Variants in LRIG2 observed in about 807,000 individuals in gnomAD.
The protein encoded by LRIG2 is leucine rich repeats and immunoglobulin like domains 2, also known as leucine-rich repeats and immunoglobulin-like domains protein 2.
Under a neutral mutation model 107.8 loss-of-function variants are expected in LRIG2, and 93 were observed. The ratio of observed to expected loss-of-function variants is 0.86; its 90% CI spans 0.73 to 1.03. The LOEUF (loss-of-function observed/expected upper bound fraction) is 1.03. Among genes scored for constraint, LRIG2 ranks in the 50% least tolerant of loss-of-function variants. The pLI, the probability that LRIG2 is intolerant of heterozygous loss-of-function variation, is 0.00. For missense variants in LRIG2, 1,226 were observed against 1,296.0 expected, an observed-to-expected ratio of 0.95 and a Z score of 0.83; for synonymous variants, 471 against 470.6, an observed-to-expected ratio of 1.00 and a Z score of -0.01.
chr1:113,119,133 C>T, intron 16 of LRIG2, 100 bp from the exon 17 acceptor site: 1 of 1,093,428 alleles, frequency 9.1e-7, no homozygotes, highest in South Asian at 1.5e-5. Context: ...GTGCTCAATA[C>T]ATGCTAGCAA....
intron 1 of LRIG2, among the ~76,000 whole-genome samples, chr1:113,075,425 G>C (rs1652931337): frequency 1.3e-5 from 2 of 152,172 alleles, no homozygotes; most frequent in South Asian, 4.1e-4. Context: ...AAATCTTTTA[G>C]TAAACATAGA....
intron 11 of LRIG2, among the ~76,000 whole-genome samples, chr1:113,105,404 A>T (rs1251863281): frequency 6.6e-6 from 1 of 152,176 alleles, no homozygotes; most frequent in Admixed American, 6.5e-5. Flanking sequence ...CTCTTGGTTT[A>T]GTGGTACTTT....
At chr1:113,116,551 A>G in intron 16 of LRIG2, 115 bp downstream of exon 16, 1 of 990,310 alleles carries the variant, frequency 1.0e-6, no homozygotes, top group Non-Finnish European at 1.5e-6. Flanking sequence ...TACCTAATGA[A>G]AGCATTTAGC....
chr1:113,130,044 C>G lies in LRIG2; in HGVS notation c.*5943C>G, dbSNP rs952453494. 2 of 152,122 alleles carry G rather than the reference C, an allele frequency of 1.3e-5. No homozygotes were observed. Among genetic ancestry groups the G allele is most frequent in the Non-Finnish European group, 2.9e-5 (2 of 68,054 alleles). 9.4% of individuals were successfully genotyped at this position (152,122 alleles called of 1,614,324 possible). A position where few individuals can be genotyped will look rare whatever the true frequency, so the allele number is the denominator to read the frequency against. The stretch of plus-strand genomic sequence containing the variant: ...CCACCTGAGTAGCTGTGCCACCACA[C>G]CCGGCTAATTTTTGTATTTTTTGTA... On this transcript the variant is annotated 3_prime_UTR_variant, in exon 18 of 18. Transcript: ENST00000361127.
Position 113,110,556 on chromosome 1 carries a change from G to T in LRIG2, c.1792G>T (p.Val598Leu), listed in dbSNP as rs61752502. 5.4e-4 allele frequency: 859 copies of T among 1,598,768 alleles called. 6 individuals carry two copies. In the African/African-American group the frequency reaches 8.4e-3, roughly 16 times the overall value. ...SNYSQKAKLTVNEMPSFLKTP... is the reference protein window; with the variant it reads ...SNYSQKAKLTLNEMPSFLKTP... ...TTATTCTCAGAAAGCCAAACTGACT[G>T]TAAATGGTAAGGAATTATGCTCCTT... Residue 598 changes from valine to leucine, a missense_variant, in exon 13 of 18, where the codon GTA becomes TTA. Around this residue, in one of 3 missense-constraint regions of LRIG2, gnomAD observed 642 missense variants for 712.2 expected, o/e 0.90. Coordinates refer to ENST00000361127, the MANE Select transcript of LRIG2 (RefSeq NM_014813.3).
chr1:113,094,287 G>C, intron 4 of LRIG2, 52 bp from the exon 5 acceptor site: 1 of 1,430,578 alleles, frequency 7.0e-7, no homozygotes, highest in Non-Finnish European at 9.5e-7. Flanking sequence ...TCTAGTGGTA[G>C]AATTTTTATT....
In LRIG2 at chr1:113,112,319, T is replaced by G. The variant is rs549094012; in HGVS notation, c.1799-160T>G. On this transcript the variant is annotated intron_variant, in intron 13 of 17. Transcript: ENST00000361127. ...AAAGTTTGTTTTTGTTTTTTTAAATTTATAAAACTATATTCACTCTCAATC... is the reference window on the plus strand; with the variant it reads ...AAAGTTTGTTTTTGTTTTTTTAAATGTATAAAACTATATTCACTCTCAATC... 2.6e-5 allele frequency among the ~76,000 whole-genome samples: 4 copies of G among 152,210 alleles called. No homozygotes were observed. The South Asian group carries it at 8.3e-4, about 32-fold the overall frequency.
At chr1:113,083,448 C>T (rs149913611) in intron 1 of LRIG2, among the ~76,000 whole-genome samples, 2,051 of 147,406 alleles carry the variant, frequency 0.014, 15 homozygotes, top group Non-Finnish European at 0.019. Flanking sequence ...TGGGTTTAAG[C>T]GATTCTCCTG....
At chr1:113,074,098 A>G (rs1323840648) in intron 1 of LRIG2, among the ~76,000 whole-genome samples, 3 of 152,156 alleles carry the variant, frequency 2.0e-5, no homozygotes, top group Non-Finnish European at 4.4e-5. Context: ...CACAATCGCC[A>G]AAGACCTATG....
intron 1 of LRIG2, among the ~76,000 whole-genome samples, chr1:113,086,000 GTTTTTTTT>G (rs34131524): frequency 3.1e-5 from 2 of 65,002 alleles, no homozygotes; most frequent in Admixed American, 2.1e-4. Context: ...TAACCCTGAG[GTTTTTTTT>G]TTTTTTTTTT....
At chr1:113,108,346 C>T (rs1229468995) in intron 12 of LRIG2, among the ~76,000 whole-genome samples, 5 of 151,112 alleles carry the variant, frequency 3.3e-5, no homozygotes, top group African/African-American at 1.2e-4. Context: ...GTCTCAGCCT[C>T]CTGAGTAGCT....
intron 1 of LRIG2, among the ~76,000 whole-genome samples, chr1:113,079,499 A>G (rs889790103): frequency 2.6e-5 from 4 of 151,066 alleles, no homozygotes; most frequent in African/African-American, 7.3e-5. Flanking sequence ...CCTGGCTAAG[A>G]TGGTGAAACC....
chr1:113,078,745 C>T (rs771706561), intron 1 of LRIG2, among the ~76,000 whole-genome samples: 21 of 151,042 alleles, frequency 1.4e-4, no homozygotes, highest in South Asian at 6.3e-4. Flanking sequence ...GGTTCAAACG[C>T]TTCTCCTGCC....
rs770576370 is a variant in LRIG2 at position 113,091,384 on chromosome 1, G to T, written c.305+1G>T. The T allele has an allele frequency of 6.4e-7, 1 of 1,570,004 alleles. No homozygotes were observed. Among genetic ancestry groups the T allele is most frequent in the Non-Finnish European group, 8.7e-7 (1 of 1,150,772 alleles). On this transcript the variant is annotated splice_donor_variant, in intron 2 of 17. Coordinates refer to ENST00000361127, the MANE Select transcript of LRIG2 (RefSeq NM_014813.3). LOFTEE classifies it high-confidence loss of function. ...TGGAATCACAAACATTACAGGAAGT[G>T]TAAGTTATTTTTATTTATTTAAAGT...
At position 113,094,754 on chromosome 1, in the gene LRIG2, CTG is replaced by C. The variant is rs1454386255; in HGVS notation, c.803+1_803+2del. The C allele has an allele frequency of 6.2e-7, 1 of 1,613,218 alleles. No homozygotes were observed. The highest frequency in any genetic ancestry group is 8.5e-7 in the Non-Finnish European group (1 of 1,179,702). On this transcript the variant is annotated splice_donor_variant and coding_sequence_variant, in exon 6 of 18. Transcript: ENST00000361127. LOFTEE classifies it high-confidence loss of function. Reference sequence around the variant, plus strand: ...TTTTGGCTTGAATAACATGGAAGAACTGTAAGTACTCGGGACTAGAGGTGATT... The same window carrying C: ...TTTTGGCTTGAATAACATGGAAGAACTAAGTACTCGGGACTAGAGGTGATT...
chr1:113,100,173 G>A (rs771282393), intron 9 of LRIG2, 38 bp from the exon 10 acceptor site: 3 of 1,269,024 alleles, frequency 2.4e-6, no homozygotes, highest in Non-Finnish European at 1.1e-6. Context: ...ATTTTGTTTA[G>A]TGGAGAGCTT....
intron 1 of LRIG2, among the ~76,000 whole-genome samples, chr1:113,085,290 TTTG>T (rs200222862): frequency 6.6e-6 from 1 of 152,098 alleles, no homozygotes; most frequent in East Asian, 1.9e-4. Context: ...TTTTTGTTTG[TTTG>T]TTTTTTTGAG....
intron 11 of LRIG2, among the ~76,000 whole-genome samples, chr1:113,105,179 G>T (rs1654482874): frequency 6.6e-6 from 1 of 151,952 alleles, no homozygotes; most frequent in Non-Finnish European, 1.5e-5. Flanking sequence ...AAAGTATTTA[G>T]CCCCGTGCCT....
At chr1:113,112,088 G>T (rs138134456) in intron 13 of LRIG2, among the ~76,000 whole-genome samples, 3 of 81,732 alleles carry the variant, frequency 3.7e-5, no homozygotes, top group Middle Eastern at 6.6e-3. Flanking sequence ...TCATCAGTGT[G>T]CTCCAAATAC....
Sources: allele counts gnomAD v4.1 joint callset (sites outside exome capture counted in the v4.1 genomes callset), GRCh38; gene constraint gnomAD v4.1.1; regional missense constraint gnomAD v4.1.1; transcripts MANE v1.5; gene names NCBI Gene and HGNC (gene_info 2026-07-23, HGNC 2026-07-21).